The following ALK variants were observed in gnomAD, a reference collection of about 807,000 sequenced individuals.
The protein encoded by ALK is ALK tyrosine kinase receptor.
Under a neutral mutation model 163.1 loss-of-function variants are expected in ALK, and 74 were observed. The observed-to-expected ratio is 0.45, with a 90% CI of 0.38 to 0.55. The LOEUF (loss-of-function observed/expected upper bound fraction) is 0.55. Ranked by LOEUF, ALK falls within the 20% of genes least tolerant of loss-of-function variation. ALK has a pLI of 0.00. For synonymous variants in ALK, 960 were observed against 843.2 expected (o/e 1.14, Z -2.40); for missense variants, 2,063 against 2,105.3 (o/e 0.98, Z 0.39).
rs1171975930 is a variant in ALK at position 29,527,836 on chromosome 2, A to ATCACG, written c.1154+4074_1154+4078dup. ...GGTCTGAGCCTGCAGTTTGACCTTC[A>ATCACG]TCACGTCACATTACATCACATCACC... On this transcript the variant is annotated intron_variant, in intron 4 of 28. Transcript: ENST00000389048. Among the ~76,000 whole-genome samples the ATCACG allele has an allele frequency of 4.6e-5, 7 of 152,024 alleles. No individual in the cohort carries two copies. In the South Asian group the frequency reaches 1.2e-3, roughly 27 times the overall value.
chr2:29,500,428 A>G lies in ALK; in HGVS notation c.1154+31487T>C, dbSNP rs973907768. On this transcript the variant is annotated intron_variant, in intron 4 of 28. Transcript: ENST00000389048. ...TTTCCTCAGGCCTCCTGAGAAGCCA[A>G]GTGGAAGCTACTATACTTCCTGTGC... is the stretch of plus-strand genomic sequence containing the variant. 5.9e-5 allele frequency among the ~76,000 whole-genome samples: 9 copies of G among 152,158 alleles called. No homozygotes were observed. In the East Asian group the frequency reaches 1.7e-3, roughly 29 times the overall value.
At chr2:29,706,975 A>ATGTGTGTGTGTGTGTGTG (rs766564449) in intron 2 of ALK, among the ~76,000 whole-genome samples, 5 of 102,784 alleles carry the variant, frequency 4.9e-5, no homozygotes, top group Admixed American at 1.0e-4. Context: ...CTCATGCAGA[A>ATGTGTGTGTGTGTGTGTG]TGTGTGTGTG....
At chr2:29,584,541 C>T (rs912306391) in intron 3 of ALK, among the ~76,000 whole-genome samples, 5 of 152,130 alleles carry the variant, frequency 3.3e-5, no homozygotes, top group African/African-American at 1.2e-4. Flanking sequence ...AACAAGATAT[C>T]CAAAAAATAG....
chr2:29,414,691 C>G (rs1296041699), intron 4 of ALK, among the ~76,000 whole-genome samples: 4 of 152,218 alleles, frequency 2.6e-5, no homozygotes, highest in African/African-American at 9.6e-5. Context: ...GTGAGTGGCA[C>G]CACTAATTAC....
At chr2:29,197,745 G>C in intron 26 of ALK, 69 bp from the exon 27 acceptor site, 2 of 1,239,176 alleles carry the variant, frequency 1.6e-6, no homozygotes, top group Non-Finnish European at 2.4e-6. Flanking sequence ...ACACACACAG[G>C]CACACAGACA....
chr2:29,664,529 A>G (rs1311590311), intron 3 of ALK, among the ~76,000 whole-genome samples: 2 of 151,916 alleles, frequency 1.3e-5, no homozygotes, highest in Admixed American at 1.3e-4. Context: ...TTCTTCCATC[A>G]CTATCAGAGC....
intron 9 of ALK, among the ~76,000 whole-genome samples, chr2:29,289,054 T>A (rs34632171): frequency 0.14 from 20,952 of 151,744 alleles, 1,655 homozygotes; most frequent in African/African-American, 0.22. Flanking sequence ...TGTGTGCCTC[T>A]GGACAGATTA....
At position 29,214,148 on chromosome 2, in the gene ALK, C is replaced by T. The variant is rs2148159774; in HGVS notation, c.3646-67G>A. ...AGTGAGAGGAGGGAAATCTGAAATG[C>T]TGGCTTCCAGTGCTCACAAGGAGGC... On this transcript the variant is annotated intron_variant, in intron 23 of 28. Coordinates refer to ENST00000389048, the MANE Select transcript of ALK (RefSeq NM_004304.5). The T allele has an allele frequency of 2.1e-6, 3 of 1,408,786 alleles. No homozygotes were observed. In the East Asian group the frequency reaches 6.9e-5, roughly 33 times the overall value. 87.3% of individuals were successfully genotyped at this position (1,408,786 alleles called of 1,614,324 possible). A position where few individuals can be genotyped will look rare whatever the true frequency, so the allele number is the denominator to read the frequency against.
chr2:29,603,847 C>G (rs1362276513), intron 3 of ALK, among the ~76,000 whole-genome samples: 1 of 152,160 alleles, frequency 6.6e-6, no homozygotes, highest in Non-Finnish European at 1.5e-5. Flanking sequence ...TTTCTATCCA[C>G]TCTTTCCTGG....
intron 27 of ALK, 89 bp downstream of exon 27, chr2:29,197,453 C>T (rs2148142904): frequency 6.3e-7 from 1 of 1,581,990 alleles, no homozygotes; most frequent in Non-Finnish European, 8.6e-7. Context: ...TCTGCCCCTT[C>T]ATCTTAAAGA....
At chr2:29,481,114 G>A (rs1671650570) in intron 4 of ALK, among the ~76,000 whole-genome samples, 1 of 152,254 alleles carries the variant, frequency 6.6e-6, no homozygotes, top group Non-Finnish European at 1.5e-5. Flanking sequence ...CGAGACCTGA[G>A]CGATTATTCT....
intron 3 of ALK, among the ~76,000 whole-genome samples, chr2:29,613,964 T>G (rs1233456150): frequency 6.6e-6 from 1 of 152,066 alleles, no homozygotes; most frequent in Non-Finnish European, 1.5e-5. Context: ...CAGGAGCCAG[T>G]GTTTCCTACC....
intron 11 of ALK, among the ~76,000 whole-genome samples, chr2:29,255,315 TCA>T (rs1664923288): frequency 1.3e-5 from 2 of 152,322 alleles, no homozygotes; most frequent in South Asian, 4.1e-4. Context: ...TCAGAGAATG[TCA>T]CAGCACAGTG....
intron 1 of ALK, among the ~76,000 whole-genome samples, chr2:29,910,196 T>C (rs1667665329): frequency 6.6e-6 from 1 of 152,146 alleles, no homozygotes; most frequent in South Asian, 2.1e-4. Flanking sequence ...GCAGAAATTC[T>C]AGAGCTGAAA....
At chr2:29,684,246 A>C (rs1558440937) in intron 3 of ALK, among the ~76,000 whole-genome samples, 1 of 152,158 alleles carries the variant, frequency 6.6e-6, no homozygotes, top group Non-Finnish European at 1.5e-5. Context: ...AACATTAATA[A>C]AAGCTTCTTA....
At chr2:29,672,671 T>C (rs1404083659) in intron 3 of ALK, among the ~76,000 whole-genome samples, 12 of 152,164 alleles carry the variant, frequency 7.9e-5, no homozygotes, top group Non-Finnish European at 1.5e-4. Flanking sequence ...GCATGATTTA[T>C]AGTCCTTTGG....
At chr2:29,816,672 C>G (rs1043063983) in intron 1 of ALK, among the ~76,000 whole-genome samples, 5 of 152,144 alleles carry the variant, frequency 3.3e-5, no homozygotes, top group Non-Finnish European at 7.3e-5. Context: ...AAGGTCGGTC[C>G]CCCTTGGTTT....
At chr2:29,378,702 C>T (rs1668817712) in intron 5 of ALK, among the ~76,000 whole-genome samples, 1 of 151,338 alleles carries the variant, frequency 6.6e-6, no homozygotes, top group Non-Finnish European at 1.5e-5. Flanking sequence ...GCTGATCCTC[C>T]CCTCCCCTCC....
chr2:29,468,712 G>A (rs1671272739), intron 4 of ALK, among the ~76,000 whole-genome samples: 2 of 140,766 alleles, frequency 1.4e-5, no homozygotes, highest in Admixed American at 1.4e-4. Flanking sequence ...AATGTAGCTG[G>A]GTATGGCAGC....
Sources: gnomAD v4.1 joint callset for allele counts (sites outside exome capture counted in the v4.1 genomes callset) on GRCh38, gnomAD v4.1.1 for gene constraint, MANE v1.5 for transcripts, NCBI Gene and HGNC (gene_info 2026-07-23, HGNC 2026-07-21) for gene names.